The following TASOR2 variants were observed in gnomAD, a reference collection of about 807,000 sequenced individuals.
TASOR2 encodes the protein transcription activation suppressor family member 2.
TASOR2 carries 84 observed loss-of-function variants against 199.5 expected under a neutral mutation model. The observed-to-expected ratio is 0.42, with a 90% CI of 0.35 to 0.50. The LOEUF is 0.50. Among genes scored for constraint, TASOR2 ranks in the 20% least tolerant of loss-of-function variants. The probability of loss-of-function intolerance (pLI) is 0.02; values close to 1 mark genes in which losing one functional copy is unlikely to be tolerated. For synonymous variants in TASOR2, 1,103 were observed against 1,046.6 expected, an observed-to-expected ratio of 1.05 and a Z score of -1.04; for missense variants, 2,796 against 2,835.9, an observed-to-expected ratio of 0.99 and a Z score of 0.32.
At chr10:5,756,674 A>C (rs1414073372) in exon 16 of TASOR2, 7 of 1,613,728 alleles carry the variant, frequency 4.3e-6, no homozygotes, top group Non-Finnish European at 5.9e-6. Context: ...CAAGCTTTCC[A>C]CAGAGAGAAT....
chr10:5,762,900 A>G (rs1588956106), intron 20 of TASOR2, 129 bp from the exon 22 acceptor site: 2 of 801,228 alleles, frequency 2.5e-6, no homozygotes, highest in East Asian at 2.9e-5. Flanking sequence ...GTTAACTTGG[A>G]TCGTCAGTAC....
In TASOR2 at chr10:5,742,564, T is replaced by G; in HGVS notation, c.2757+38T>G. 6.4e-7 allele frequency: 1 copy of G among 1,553,618 alleles called. No homozygotes were observed. Among genetic ancestry groups the G allele is most frequent in the Non-Finnish European group, 8.7e-7 (1 of 1,149,710 alleles). On this transcript the variant is annotated intron_variant, in intron 14 of 20. Transcript: ENST00000328090. The surrounding 1 kb of genome is among the most constrained non-coding windows in gnomAD (Gnocchi z 4.2). ...GAATACCGTTAAATGTTGGCATTAT[T>G]TTTGAAGAAAAAAATGTTTATATGT...
chr10:5,702,136 T>C (rs1447056815), intron 1 of TASOR2, among the ~76,000 whole-genome samples: 1 of 152,188 alleles, frequency 6.6e-6, no homozygotes, highest in African/African-American at 2.4e-5. Context: ...GTTCCTTCCA[T>C]ACCCAGTTTG....
intron 11 of TASOR2, among the ~76,000 whole-genome samples, chr10:5,734,685 C>G (rs925331569): frequency 2.7e-5 from 4 of 145,628 alleles, no homozygotes; most frequent in Middle Eastern, 3.6e-3. Flanking sequence ...TTCAGTCTTA[C>G]CTGTCACATT....
intron 1 of TASOR2, among the ~76,000 whole-genome samples, chr10:5,693,391 C>T (rs1564246259): frequency 6.6e-6 from 1 of 152,138 alleles, no homozygotes. Context: ...TTGTGCGTGC[C>T]GTGATTATCT....
At chr10:5,757,648 C>G in exon 17 of TASOR2, 3 of 1,613,494 alleles carry the variant, frequency 1.9e-6, no homozygotes, top group Non-Finnish European at 2.5e-6. Context: ...TATCAGATGA[C>G]AAGATACTAG....
At position 5,709,475 on chromosome 10, in the gene TASOR2, A is replaced by T. The variant is rs374909760; in HGVS notation, c.-287-3348A>T. On this transcript the variant is annotated intron_variant, in intron 1 of 20. Transcript: ENST00000328090. Reference sequence around the variant, plus strand: ...CAGCGAACATTTGTTTCTATAGTAAATATGCTATAAATAGAATTGTTCACT... The same window carrying T: ...CAGCGAACATTTGTTTCTATAGTAATTATGCTATAAATAGAATTGTTCACT... The T allele has an allele frequency of 1.7e-5, 19 of 1,122,514 alleles. No homozygotes were observed. In the East Asian group the frequency reaches 2.6e-4, roughly 15 times the overall value. The allele number at this position is 1,122,514 out of a possible 1,614,324, so 69.5% of individuals were successfully genotyped here. A position where few individuals can be genotyped will look rare whatever the true frequency, so the allele number is the denominator to read the frequency against.
rs1314358872 is a variant in TASOR2, at chr10:5,737,760, G to A, written c.1448-1858G>A. 6.6e-6 allele frequency among the ~76,000 whole-genome samples: 1 copy of A among 152,168 alleles called. No homozygotes were observed. Among genetic ancestry groups the A allele is most frequent in the Non-Finnish European group, 1.5e-5 (1 of 68,030 alleles). On this transcript the variant is annotated intron_variant, in intron 12 of 20. Coordinates refer to ENST00000328090, the Ensembl canonical transcript of TASOR2. This position sits in a 1 kb window ranked among gnomAD's most constrained non-coding sequence, Gnocchi z 4.9. The stretch of plus-strand genomic sequence containing the variant: ...GGTAACATCTTGTGTTCCTAGCAGT[G>A]TCATTTGCATTCTTTGTACTGAATT...
chr10:5,695,755 G>A (rs1277140325), intron 1 of TASOR2, among the ~76,000 whole-genome samples: 1 of 152,156 alleles, frequency 6.6e-6, no homozygotes, highest in Non-Finnish European at 1.5e-5. Context: ...AAAGGAGATG[G>A]GCAAGTAATA....
Position 5,699,777 on chromosome 10 carries a change from GA to G in TASOR2, c.-287-13042del. The G allele has an allele frequency of 2.2e-6, 2 of 892,726 alleles. No homozygotes were observed. The highest frequency in any genetic ancestry group is 2.7e-6 in the Non-Finnish European group (2 of 745,590). 55.3% of individuals were successfully genotyped at this position (892,726 alleles called of 1,614,324 possible). On this transcript the variant is annotated intron_variant, in intron 1 of 20. Transcript: ENST00000328090. The surrounding 1 kb of genome is among the most constrained non-coding windows in gnomAD (Gnocchi z 4.1). Reference sequence around the variant, plus strand: ...CCACAATTTTGATAATGCAAAGAAAGAAAACAAAAGATAGACAGGAGAAAAA... The same window carrying G: ...CCACAATTTTGATAATGCAAAGAAAGAAACAAAAGATAGACAGGAGAAAAA...
intron 10 of TASOR2, among the ~76,000 whole-genome samples, chr10:5,727,819 T>A (rs1834247790): frequency 6.6e-6 from 1 of 152,220 alleles, no homozygotes; most frequent in East Asian, 1.9e-4. Context: ...AGTTTAAATA[T>A]TTATTTGTAT....
chr10:5,761,577 C>T, intron 19 of TASOR2, 106 bp downstream of exon 20: 3 of 952,904 alleles, frequency 3.1e-6, no homozygotes, highest in Non-Finnish European at 4.7e-6. Flanking sequence ...AATGGCTTGG[C>T]ATCCCATGGA....
exon 15 of TASOR2, chr10:5,746,879 C>G: frequency 6.2e-7 from 1 of 1,614,202 alleles, no homozygotes; most frequent in Non-Finnish European, 8.5e-7. Flanking sequence ...TCTCTACCAT[C>G]TGATAAAACA....
chr10:5,703,095 A>G (rs1216058896), intron 1 of TASOR2, among the ~76,000 whole-genome samples: 2 of 152,178 alleles, frequency 1.3e-5, no homozygotes, highest in Non-Finnish European at 2.9e-5. Context: ...GCCTTTCTTG[A>G]GGAAACATCT....
intron 7 of TASOR2, 100 bp downstream of exon 8, chr10:5,723,877 A>AT (rs1377173429): frequency 1.6e-6 from 1 of 634,132 alleles, no homozygotes; most frequent in African/African-American, 1.9e-5. Context: ...CTGTTTCATC[A>AT]TAAGTGACTC....
chr10:5,760,706 A>C (rs1171519468), intron 18 of TASOR2: 1 of 152,232 alleles, frequency 6.6e-6, no homozygotes, highest in Non-Finnish European at 1.5e-5. Context: ...AAATTAATTC[A>C]TGATGTTAAG....
intron 1 of TASOR2, among the ~76,000 whole-genome samples, chr10:5,695,365 G>A (rs1588592376): frequency 6.6e-6 from 1 of 152,166 alleles, no homozygotes; most frequent in Non-Finnish European, 1.5e-5. Flanking sequence ...AAGATCTTTA[G>A]ATTGTGCTTT....
exon 15 of TASOR2, chr10:5,747,716 G>C: frequency 6.2e-7 from 1 of 1,614,206 alleles, no homozygotes. Flanking sequence ...GGTACACAGT[G>C]TGAGAAGAGC....
In TASOR2 at chr10:5,719,114, T is replaced by A. The variant is rs1217113274; in HGVS notation, c.-100+1364T>A. Reference sequence around the variant, plus strand: ...TTGGTGGTTTGGCCTTTGGTGGGTCTGTAAATGAAGAGGCAGGACTTAAAC... The same window carrying A: ...TTGGTGGTTTGGCCTTTGGTGGGTCAGTAAATGAAGAGGCAGGACTTAAAC... On this transcript the variant is annotated intron_variant, in intron 3 of 20. Coordinates refer to ENST00000328090, the Ensembl canonical transcript of TASOR2. This position sits in a 1 kb window ranked among gnomAD's most constrained non-coding sequence, Gnocchi z 4.1. Among the ~76,000 whole-genome samples, 1 of 152,196 alleles carries A rather than the reference T, an allele frequency of 6.6e-6. No homozygotes were observed. Among genetic ancestry groups the A allele is most frequent in the Non-Finnish European group, 1.5e-5 (1 of 68,020 alleles).
Sources: gnomAD v4.1 joint callset for allele counts (sites outside exome capture counted in the v4.1 genomes callset) on GRCh38, gnomAD v4.1.1 for gene constraint, Gnocchi (gnomAD v3.1) non-coding constraint, MANE v1.5 for transcripts, NCBI Gene and HGNC (gene_info 2026-07-23, HGNC 2026-07-21) for gene names.